ARB2A: variants seen among roughly 807,000 people sequenced by gnomAD.
ARB2A encodes the protein cotranscriptional regulator ARB2A.
the ARB2A span, among the ~76,000 whole-genome samples, chr5:93,892,578 C>A: frequency 6.6e-6 from 1 of 151,978 alleles, no homozygotes; most frequent in Non-Finnish European, 1.5e-5. Context: ...AAGTTCTATA[C>A]TACCTCTGGG....
the ARB2A span, among the ~76,000 whole-genome samples, chr5:94,035,019 AC>A: frequency 6.6e-6 from 1 of 151,256 alleles, no homozygotes; most frequent in Non-Finnish European, 1.5e-5. Context: ...AACATCCCCC[AC>A]CCCCAGTCCA....
chr5:93,881,604 C>A, the ARB2A span: 1 of 1,608,806 alleles, frequency 6.2e-7, no homozygotes, highest in Admixed American at 1.7e-5. Flanking sequence ...TCTGAACTAT[C>A]AGATGATGAC....
At chr5:94,015,330 C>T in the ARB2A span, among the ~76,000 whole-genome samples, 2 of 152,024 alleles carry the variant, frequency 1.3e-5, no homozygotes, top group African/African-American at 4.8e-5. Flanking sequence ...ACAATAAAGT[C>T]TTTCGTAGAC....
chr5:93,972,457 G>C, the ARB2A span, among the ~76,000 whole-genome samples: 1 of 150,626 alleles, frequency 6.6e-6, no homozygotes, highest in Non-Finnish European at 1.5e-5. Context: ...CCATCCAAAT[G>C]ATAGCAAACT....
chr5:94,009,955 G>A, the ARB2A span, among the ~76,000 whole-genome samples: 7 of 150,104 alleles, frequency 4.7e-5, no homozygotes, highest in Admixed American at 2.0e-4. Context: ...TCTGGCTAGC[G>A]GCTTTATCAA....
chr5:93,671,518 C>T, the ARB2A span, among the ~76,000 whole-genome samples: 2 of 151,756 alleles, frequency 1.3e-5, no homozygotes, highest in Admixed American at 6.6e-5. Context: ...GAAATCATTT[C>T]CAATATTTGA....
the ARB2A span, among the ~76,000 whole-genome samples, chr5:94,021,054 T>C: frequency 2.0e-5 from 3 of 151,874 alleles, no homozygotes; most frequent in Non-Finnish European, 4.4e-5. Flanking sequence ...ATAAATAAAA[T>C]AAGATAAAAC....
At chr5:93,841,313 C>G in the ARB2A span, among the ~76,000 whole-genome samples, 1 of 152,052 alleles carries the variant, frequency 6.6e-6, no homozygotes, top group African/African-American at 2.4e-5. Context: ...CATGGCCAGA[C>G]TTTATTTTCT....
At chr5:93,958,439 T>C in the ARB2A span, among the ~76,000 whole-genome samples, 76 of 152,218 alleles carry the variant, frequency 5.0e-4, no homozygotes, top group African/African-American at 1.7e-3. Context: ...TTTTCAATAA[T>C]GTTGATAAAT....
the ARB2A span, among the ~76,000 whole-genome samples, chr5:93,752,456 AAGAGTTAGCTC>A: frequency 1.3e-5 from 2 of 152,342 alleles, no homozygotes; most frequent in East Asian, 3.9e-4. Context: ...CTTTAAAGAA[AAGAGTTAGCTC>A]AGGAAAGGAG....
chr5:93,762,884 G>A, the ARB2A span, among the ~76,000 whole-genome samples: 1 of 152,182 alleles, frequency 6.6e-6, no homozygotes, highest in Non-Finnish European at 1.5e-5. Context: ...AGAAGAGAGT[G>A]GGGGCCAATA....
chr5:93,854,111 A>G, the ARB2A span, among the ~76,000 whole-genome samples: 1 of 152,124 alleles, frequency 6.6e-6, no homozygotes, highest in Non-Finnish European at 1.5e-5. Context: ...TTGGTAAGCT[A>G]TTGATTATTG....
the ARB2A span, among the ~76,000 whole-genome samples, chr5:93,766,893 C>T: frequency 6.6e-6 from 1 of 152,068 alleles, no homozygotes; most frequent in South Asian, 2.1e-4. Flanking sequence ...TCTGTAGGGA[C>T]ATGGATGACG....
At chr5:93,695,399 G>A in the ARB2A span, among the ~76,000 whole-genome samples, 7 of 152,180 alleles carry the variant, frequency 4.6e-5, no homozygotes, top group African/African-American at 1.7e-4. Context: ...CTTCTCAAAA[G>A]AAGATATTTA....
chr5:94,077,679 A>G, the ARB2A span, among the ~76,000 whole-genome samples: 1 of 152,146 alleles, frequency 6.6e-6, no homozygotes, highest in Non-Finnish European at 1.5e-5. Context: ...TAATACATGC[A>G]CTCGACATAG....
the ARB2A span, among the ~76,000 whole-genome samples, chr5:93,725,761 C>A: frequency 6.6e-6 from 1 of 152,044 alleles, no homozygotes; most frequent in African/African-American, 2.4e-5. Context: ...GCAGCTCTCC[C>A]TTAAAAAGAT....
the ARB2A span, among the ~76,000 whole-genome samples, chr5:93,978,129 G>A: frequency 6.6e-6 from 1 of 152,142 alleles, no homozygotes; most frequent in Non-Finnish European, 1.5e-5. Context: ...TGTTGGTGAG[G>A]CTGCAGAGGA....
At chr5:93,689,198 A>G in the ARB2A span, among the ~76,000 whole-genome samples, 2 of 152,014 alleles carry the variant, frequency 1.3e-5, no homozygotes, top group Non-Finnish European at 2.9e-5. Flanking sequence ...TTGGAACTCA[A>G]AACAATTTCT....
chr5:93,956,655 A>G, the ARB2A span, among the ~76,000 whole-genome samples: 12 of 151,996 alleles, frequency 7.9e-5, no homozygotes, highest in African/African-American at 2.9e-4. Context: ...AAATAAAAAC[A>G]AAAGCAGAGC....
Sources: gnomAD v4.1 joint callset for allele counts (sites outside exome capture counted in the v4.1 genomes callset) on GRCh38, gnomAD v4.1.1 for gene constraint, MANE v1.5 for transcripts, NCBI Gene and HGNC (gene_info 2026-07-23, HGNC 2026-07-21) for gene names.